PTPRD: variants seen among roughly 807,000 people sequenced by gnomAD.
PTPRD encodes protein tyrosine phosphatase receptor type D, also known as receptor-type tyrosine-protein phosphatase delta.
In PTPRD, 34 loss-of-function variants were observed where a neutral mutation model predicts 214.5. The ratio of observed to expected loss-of-function variants is 0.16; its 90% CI spans 0.12 to 0.21. The LOEUF is 0.21. Among genes scored for constraint, PTPRD ranks in the 10% least tolerant of loss-of-function variants. The pLI, the probability that PTPRD is intolerant of heterozygous loss-of-function variation, is 1.00. For missense variants in PTPRD, 2,545 were observed against 2,398.7 expected, an observed-to-expected ratio of 1.06 and a Z score of -1.27; for synonymous variants, 1,128 against 845.7, an observed-to-expected ratio of 1.33 and a Z score of -5.79.
chr9:8,823,461 T>G (rs912125191), intron 11 of PTPRD, among the ~76,000 whole-genome samples: 1 of 152,058 alleles, frequency 6.6e-6, no homozygotes, highest in East Asian at 1.9e-4. Flanking sequence ...GCCAGCAAGT[T>G]TATATGCCAG....
chr9:9,943,422 A>T (rs965858941), intron 4 of PTPRD, among the ~76,000 whole-genome samples: 1 of 151,714 alleles, frequency 6.6e-6, no homozygotes, highest in African/African-American at 2.4e-5. Flanking sequence ...AAATTCATTC[A>T]TTCATTCATT....
At chr9:9,369,561 G>T (rs2058863844) in intron 9 of PTPRD, among the ~76,000 whole-genome samples, 2 of 152,058 alleles carry the variant, frequency 1.3e-5, no homozygotes, top group African/African-American at 4.8e-5. Context: ...TCTGTAGGTT[G>T]CCTGTTCACT....
chr9:9,914,370 G>A (rs2080077712), intron 5 of PTPRD, among the ~76,000 whole-genome samples: 1 of 152,218 alleles, frequency 6.6e-6, no homozygotes, highest in South Asian at 2.1e-4. Context: ...ACAGCAAAGA[G>A]TATATGTCTT....
chr9:8,555,235 C>A (rs2083376368), intron 14 of PTPRD, among the ~76,000 whole-genome samples: 1 of 151,964 alleles, frequency 6.6e-6, no homozygotes, highest in African/African-American at 2.4e-5. Flanking sequence ...AAGACCCTGT[C>A]TGTATAAAAA....
intron 12 of PTPRD, among the ~76,000 whole-genome samples, chr9:8,726,588 A>AATATATATAT (rs1162966341): frequency 2.1e-4 from 2 of 9,684 alleles, no homozygotes; most frequent in Non-Finnish European, 1.9e-4. Context: ...AAAAAAAAAA[A>AATATATATAT]ATATATATAT....
At chr9:9,156,907 T>A (rs990083255) in intron 10 of PTPRD, among the ~76,000 whole-genome samples, 2 of 152,176 alleles carry the variant, frequency 1.3e-5, no homozygotes, top group African/African-American at 2.4e-5. Flanking sequence ...TCAAAGGAGA[T>A]AAGAAATATG....
chr9:9,576,694 A>C (rs1257889402), intron 7 of PTPRD, among the ~76,000 whole-genome samples: 1 of 152,204 alleles, frequency 6.6e-6, no homozygotes, highest in Admixed American at 6.6e-5. Flanking sequence ...ACCATTGTAG[A>C]ATAAACTTCT....
At chr9:10,536,787 T>A (rs1685768518) in intron 2 of PTPRD, among the ~76,000 whole-genome samples, 1 of 152,118 alleles carries the variant, frequency 6.6e-6, no homozygotes, top group Non-Finnish European at 1.5e-5. Context: ...GGTTAATACC[T>A]CAGAACTCCT....
At chr9:9,577,266 TA>T (rs2089191151) in intron 7 of PTPRD, among the ~76,000 whole-genome samples, 1 of 152,110 alleles carries the variant, frequency 6.6e-6, no homozygotes, top group South Asian at 2.1e-4. Context: ...AATATACATT[TA>T]AAAAGGAAAG....
In PTPRD at chr9:8,319,886, A is replaced by C; in HGVS notation, c.5615T>G (p.Ile1872Ser). 6.2e-7 allele frequency: 1 copy of C among 1,613,136 alleles called. No individual in the cohort carries two copies. Among genetic ancestry groups the C allele is most frequent in the Non-Finnish European group, 8.5e-7 (1 of 1,179,462 alleles). Reference protein sequence around the residue: ...ERMRYEGVVDIFQTVKMLRTQ... With the variant: ...ERMRYEGVVDSFQTVKMLRTQ... Reference sequence around the variant, plus strand: ...TCTTAACATTTTGACAGTCTGGAAGATATCTACAACTCCTTCATATCTCAT... The same window carrying C: ...TCTTAACATTTTGACAGTCTGGAAGCTATCTACAACTCCTTCATATCTCAT... The change falls in exon 45 of 46, where the codon ATC becomes AGC. Residue 1872 changes from isoleucine to serine, a missense_variant. Ile to Ser is a moderately radical substitution (Grantham distance 142, BLOSUM62 -2). Coordinates refer to ENST00000381196, the MANE Select transcript of PTPRD (RefSeq NM_002839.4).
intron 44 of PTPRD, among the ~76,000 whole-genome samples, chr9:8,326,008 T>C (rs1205553343): frequency 2.6e-5 from 4 of 152,226 alleles, no homozygotes; most frequent in Admixed American, 2.6e-4. Context: ...AATGTTGTCA[T>C]GTGCAAACAG....
chr9:9,232,054 C>G (rs1308289075), intron 9 of PTPRD, among the ~76,000 whole-genome samples: 1 of 152,142 alleles, frequency 6.6e-6, no homozygotes, highest in Non-Finnish European at 1.5e-5. Context: ...ATGGTACTAT[C>G]CCTACAGTGT....
chr9:8,760,927 G>A (rs1207697809), intron 11 of PTPRD, among the ~76,000 whole-genome samples: 1 of 152,128 alleles, frequency 6.6e-6, no homozygotes, highest in Non-Finnish European at 1.5e-5. Context: ...TATTTCTAGT[G>A]CCTACTGCAT....
rs986208496 is a variant in PTPRD at position 10,415,817 on chromosome 9, G to T, written c.-599-74800C>A. Among the ~76,000 whole-genome samples the T allele has an allele frequency of 5.7e-4, 86 of 151,886 alleles. 1 individual carries two copies. Among genetic ancestry groups the T allele is most frequent in the African/African-American group, 2.0e-3 (85 of 41,498 alleles). On this transcript the variant is annotated intron_variant, in intron 2 of 45. Transcript: ENST00000381196. ...GTGGTGATTTTTACAGAAAAAGAGGGCATGAGAATATCATAAGGACATTTT... is the reference window on the plus strand; with the variant it reads ...GTGGTGATTTTTACAGAAAAAGAGGTCATGAGAATATCATAAGGACATTTT...
At chr9:9,330,811 A>T (rs900442093) in intron 9 of PTPRD, among the ~76,000 whole-genome samples, 1 of 151,820 alleles carries the variant, frequency 6.6e-6, no homozygotes, top group African/African-American at 2.4e-5. Flanking sequence ...GTACTAATTC[A>T]CTTTTTTTCT....
At chr9:8,704,703 C>A (rs79252716) in intron 12 of PTPRD, among the ~76,000 whole-genome samples, 3 of 150,586 alleles carry the variant, frequency 2.0e-5, no homozygotes, top group African/African-American at 7.3e-5. Flanking sequence ...ATGAGGCGAG[C>A]GGATCACGAG....
At chr9:8,982,553 A>G (rs938632622) in intron 11 of PTPRD, among the ~76,000 whole-genome samples, 3 of 151,716 alleles carry the variant, frequency 2.0e-5, no homozygotes, top group African/African-American at 4.8e-5. Context: ...AAAAAAAAAA[A>G]AGAGAATGAA....
chr9:8,348,773 T>C (rs778232958), intron 39 of PTPRD, among the ~76,000 whole-genome samples: 2 of 152,170 alleles, frequency 1.3e-5, no homozygotes, highest in Non-Finnish European at 2.9e-5. Context: ...TCTACCTCCT[T>C]CTCATCTGTT....
chr9:9,580,626 G>A (rs560232164), intron 7 of PTPRD, among the ~76,000 whole-genome samples: 7 of 142,724 alleles, frequency 4.9e-5, no homozygotes, highest in African/African-American at 1.0e-4. Context: ...TCTGCTCACT[G>A]CAACCTCTGC....
Sources: gnomAD v4.1 joint callset for allele counts (sites outside exome capture counted in the v4.1 genomes callset) on GRCh38, gnomAD v4.1.1 for gene constraint, MANE v1.5 for transcripts, NCBI Gene and HGNC (gene_info 2026-07-23, HGNC 2026-07-21) for gene names.